CADM1: variants seen among roughly 807,000 people sequenced by gnomAD.
CADM1 encodes TSLC-1.
Under a neutral mutation model 53.1 loss-of-function variants are expected in CADM1, and 15 were observed. The ratio of observed to expected loss-of-function variants is 0.28; its 90% CI spans 0.19 to 0.44. The LOEUF is 0.44. Ranked by LOEUF, CADM1 falls within the 20% of genes least tolerant of loss-of-function variation. The probability of loss-of-function intolerance (pLI) is 1.00; values close to 1 mark genes in which losing one functional copy is unlikely to be tolerated. For synonymous variants in CADM1, 281 were observed against 243.0 expected (o/e 1.16, Z -1.45); for missense variants, 434 against 611.3 (o/e 0.71, Z 3.06).
intron 1 of CADM1, among the ~76,000 whole-genome samples, chr11:115,281,521 C>G (rs1943583658): frequency 1.3e-5 from 2 of 152,124 alleles, no homozygotes. Flanking sequence ...GAATTTATTT[C>G]AAAGTTGTTG....
intron 1 of CADM1, among the ~76,000 whole-genome samples, chr11:115,427,813 C>A (rs1037911314): frequency 6.6e-6 from 1 of 151,830 alleles, no homozygotes; most frequent in Non-Finnish European, 1.5e-5. Flanking sequence ...TAAAGACCAT[C>A]CTGGCTAACA....
At chr11:115,368,258 T>C (rs1237489945) in intron 1 of CADM1, among the ~76,000 whole-genome samples, 2 of 152,104 alleles carry the variant, frequency 1.3e-5, no homozygotes, top group Non-Finnish European at 2.9e-5. Flanking sequence ...CAGTTTGTCA[T>C]AGATCCTGCA....
At chr11:115,407,873 T>TA (rs148209064) in intron 1 of CADM1, among the ~76,000 whole-genome samples, 6,220 of 31,666 alleles carry the variant, frequency 0.2, 1,055 homozygotes, top group Admixed American at 0.23. Flanking sequence ...CCCTGTCATT[T>TA]AAAAAAAAAA....
intron 1 of CADM1, chr11:115,396,807 A>T (rs1412530666): frequency 6.6e-6 from 1 of 152,168 alleles, no homozygotes; most frequent in African/African-American, 2.4e-5. Context: ...TGGGAATACT[A>T]AACATTACTG....
chr11:115,209,464 G>A, intron 8 of CADM1, 110 bp downstream of exon 8: 1 of 1,514,192 alleles, frequency 6.6e-7, no homozygotes, highest in Non-Finnish European at 9.0e-7. Context: ...CCAAAATAAA[G>A]GAACGATTAA....
At chr11:115,338,951 T>C (rs1945346926) in intron 1 of CADM1, among the ~76,000 whole-genome samples, 1 of 146,272 alleles carries the variant, frequency 6.8e-6, no homozygotes, top group Non-Finnish European at 1.5e-5. Flanking sequence ...TTGTGCAGGT[T>C]AGTTACATAT....
At chr11:115,491,112 G>A (rs1008176034) in intron 1 of CADM1, among the ~76,000 whole-genome samples, 6 of 152,080 alleles carry the variant, frequency 3.9e-5, no homozygotes, top group Admixed American at 2.0e-4. Context: ...GAAGAATTGG[G>A]GTTTGAGGCA....
intron 10 of CADM1, among the ~76,000 whole-genome samples, chr11:115,185,843 ATCTC>A (rs754563788): frequency 1.1e-4 from 17 of 152,210 alleles, no homozygotes; most frequent in Admixed American, 5.9e-4. Context: ...TCCCACTAGA[ATCTC>A]TCTCTGGAGA....
chr11:115,187,591 C>A (rs1451337655), intron 10 of CADM1, among the ~76,000 whole-genome samples: 1 of 152,130 alleles, frequency 6.6e-6, no homozygotes, highest in Non-Finnish European at 1.5e-5. Context: ...TAGGTGCATG[C>A]CACCACGCCT....
At chr11:115,492,076 C>T (rs569375651) in intron 1 of CADM1, among the ~76,000 whole-genome samples, 1 of 151,922 alleles carries the variant, frequency 6.6e-6, no homozygotes, top group Admixed American at 6.5e-5. Context: ...GCACATGTAC[C>T]CTAGAACTTA....
At chr11:115,364,216 G>A (rs995783537) in intron 1 of CADM1, among the ~76,000 whole-genome samples, 11 of 152,304 alleles carry the variant, frequency 7.2e-5, no homozygotes, top group Non-Finnish European at 1.6e-4. Context: ...GTGTGTCTCA[G>A]TTTCAAAACC....
chr11:115,243,698 C>T (rs187802554), intron 1 of CADM1, among the ~76,000 whole-genome samples: 63 of 152,260 alleles, frequency 4.1e-4, no homozygotes, highest in Non-Finnish European at 7.4e-4. Flanking sequence ...ATAAATTTCC[C>T]CTTGAAATAG....
chr11:115,491,336 T>C (rs1325178212), intron 1 of CADM1, among the ~76,000 whole-genome samples: 3 of 151,882 alleles, frequency 2.0e-5, no homozygotes, highest in South Asian at 2.1e-4. Context: ...GAGGCCGAGG[T>C]GGGCAGATCA....
intron 8 of CADM1, 92 bp downstream of exon 8, chr11:115,209,482 G>T: frequency 1.3e-6 from 2 of 1,568,884 alleles, no homozygotes; most frequent in Non-Finnish European, 1.7e-6. Flanking sequence ...TAAATTCCAA[G>T]GATTTAAAGG....
chr11:115,228,869 C>T lies in CADM1; in HGVS notation c.721+244G>A, dbSNP rs1044297234. 8.5e-5 allele frequency among the ~76,000 whole-genome samples: 13 copies of T among 152,232 alleles called. No homozygotes were observed. In the South Asian group the frequency reaches 1.9e-3, roughly 22 times the overall value. On this transcript the variant is annotated intron_variant, in intron 5 of 11. Coordinates refer to ENST00000331581, the MANE Select transcript of CADM1 (RefSeq NM_001301043.2). ...ATATGCAAAGAAATTAATTAAGTCACGTGTTAGAGCAGATTGATATTATTT... is the reference window on the plus strand; with the variant it reads ...ATATGCAAAGAAATTAATTAAGTCATGTGTTAGAGCAGATTGATATTATTT...
chr11:115,502,525 T>C (rs1017487227), intron 1 of CADM1, among the ~76,000 whole-genome samples: 1 of 151,822 alleles, frequency 6.6e-6, no homozygotes, highest in African/African-American at 2.4e-5. Context: ...TGAAATGAAG[T>C]TGTAACCACA....
At chr11:115,228,611 TC>T (rs1376941805) in intron 5 of CADM1, among the ~76,000 whole-genome samples, 3 of 152,168 alleles carry the variant, frequency 2.0e-5, no homozygotes, top group Non-Finnish European at 4.4e-5. Context: ...CTCACTACAA[TC>T]TAGCTTTTAT....
chr11:115,339,123 C>T (rs1945353010), intron 1 of CADM1, among the ~76,000 whole-genome samples: 1 of 144,086 alleles, frequency 6.9e-6, no homozygotes, highest in African/African-American at 2.6e-5. Flanking sequence ...TCAATTCCCA[C>T]CTATGAGTGA....
chr11:115,441,517 G>A (rs2135324168), intron 1 of CADM1, among the ~76,000 whole-genome samples: 1 of 152,216 alleles, frequency 6.6e-6, no homozygotes, highest in South Asian at 2.1e-4. Flanking sequence ...AACAGTAGGT[G>A]GTTTTCTATC....
Sources: gnomAD v4.1 joint callset for allele counts (sites outside exome capture counted in the v4.1 genomes callset) on GRCh38, gnomAD v4.1.1 for gene constraint, MANE v1.5 for transcripts, NCBI Gene and HGNC (gene_info 2026-07-23, HGNC 2026-07-21) for gene names.